The following THSD4 variants were observed in gnomAD, a reference collection of about 807,000 sequenced individuals.
The protein encoded by THSD4 is thrombospondin type-1 domain-containing protein 4.
A neutral mutation model predicts 119.0 loss-of-function variants in THSD4; 69 were observed. That is an observed-to-expected ratio of 0.58 (90% CI 0.48 to 0.71). The LOEUF (loss-of-function observed/expected upper bound fraction) is 0.71. Ranked by LOEUF, THSD4 falls within the 30% of genes least tolerant of loss-of-function variation. THSD4 has a pLI of 0.00. For missense variants in THSD4, 1,393 were observed against 1,391.1 expected (o/e 1.00, Z -0.02); for synonymous variants, 524 against 540.4 (o/e 0.97, Z 0.42).
chr15:71,121,185 G>A (rs193079586), intron 1 of THSD4, among the ~76,000 whole-genome samples: 1 of 152,258 alleles, frequency 6.6e-6, no homozygotes, highest in Admixed American at 6.5e-5. Flanking sequence ...AGGCAGCAGC[G>A]TGGTGGTGCT....
chr15:71,436,214 G>T (rs2047011416), intron 7 of THSD4, among the ~76,000 whole-genome samples: 3 of 152,086 alleles, frequency 2.0e-5, no homozygotes. Flanking sequence ...TGGGCTTATA[G>T]GGGTTTTAGG....
At position 71,129,069 on chromosome 15, in the gene THSD4, A is replaced by G. The variant is rs567927778; in HGVS notation, c.-79-12380A>G. ...GCAAGAGACTGGGCCCAAGGCATAC[A>G]GGAGAGGGTATCCCAGAGGCCCAGG... On this transcript the variant is annotated intron_variant, in intron 1 of 17. Coordinates refer to ENST00000261862, the MANE Select transcript of THSD4 (RefSeq NM_024817.3). 3.3e-5 allele frequency among the ~76,000 whole-genome samples: 5 copies of G among 152,322 alleles called. No individual in the cohort carries two copies. In the East Asian group the frequency reaches 9.7e-4, roughly 29 times the overall value.
intron 7 of THSD4, among the ~76,000 whole-genome samples, chr15:71,413,803 A>G (rs548854603): frequency 6.6e-6 from 1 of 152,358 alleles, no homozygotes; most frequent in East Asian, 1.9e-4. Flanking sequence ...GCTCCTTTGG[A>G]AAAACCACTG....
intron 10 of THSD4, 75 bp downstream of exon 10, chr15:71,731,292 A>T: frequency 7.1e-7 from 1 of 1,405,118 alleles, no homozygotes; most frequent in Non-Finnish European, 1.0e-6. Context: ...ATTCTTGTGC[A>T]TCCACCCTCT....
At chr15:71,724,287 A>ATATATATATATATATATATATATTTTT in intron 8 of THSD4, among the ~76,000 whole-genome samples, 27 of 37,234 alleles carry the variant, frequency 7.3e-4, no homozygotes, top group East Asian at 3.5e-3. Context: ...ATATATATAT[A>ATATATATATATATATATATATATTTTT]TTTTTTTTTT....
chr15:71,277,274 C>T (rs1482119115), intron 6 of THSD4, among the ~76,000 whole-genome samples: 3 of 151,850 alleles, frequency 2.0e-5, no homozygotes, highest in African/African-American at 7.3e-5. Context: ...TACAGGCGCC[C>T]GCCACCACGC....
chr15:71,547,677 A>G, intron 7 of THSD4: 1 of 654,162 alleles, frequency 1.5e-6, no homozygotes, highest in Non-Finnish European at 2.3e-6. Context: ...TATACTTTCT[A>G]AAATGTCATT....
intron 6 of THSD4, among the ~76,000 whole-genome samples, chr15:71,399,679 T>C (rs1049200673): frequency 6.6e-6 from 1 of 152,100 alleles, no homozygotes; most frequent in Non-Finnish European, 1.5e-5. Flanking sequence ...GAGCAGAGGT[T>C]CTCCAGGTGT....
intron 6 of THSD4, among the ~76,000 whole-genome samples, chr15:71,258,682 G>A (rs1296327885): frequency 1.3e-5 from 2 of 152,208 alleles, no homozygotes; most frequent in African/African-American, 2.4e-5. Flanking sequence ...TAATATGGGT[G>A]AGGAAGAGTG....
intron 6 of THSD4, among the ~76,000 whole-genome samples, chr15:71,394,326 G>A (rs1297731073): frequency 7.2e-6 from 1 of 139,686 alleles, no homozygotes; most frequent in Non-Finnish European, 1.5e-5. Flanking sequence ...AGGCTGGAGT[G>A]CAGTCGTGCA....
intron 8 of THSD4, among the ~76,000 whole-genome samples, chr15:71,706,283 C>T (rs2052390515): frequency 6.6e-6 from 1 of 152,008 alleles, no homozygotes; most frequent in South Asian, 2.1e-4. Flanking sequence ...AAAGAAGAGC[C>T]AGGGGAACCC....
At chr15:71,634,454 A>G (rs1221608177) in intron 7 of THSD4, among the ~76,000 whole-genome samples, 2 of 152,242 alleles carry the variant, frequency 1.3e-5, no homozygotes, top group Admixed American at 1.3e-4. Flanking sequence ...AGTCTTTGCC[A>G]TCTTTAGAAT....
chr15:71,765,064 T>A lies in THSD4; in HGVS notation c.2634T>A (p.Ile878=). 6.2e-7 allele frequency: 1 copy of A among 1,614,206 alleles called. No homozygotes were observed. Among genetic ancestry groups the A allele is most frequent in the South Asian group, 1.1e-5 (1 of 91,082 alleles). Residue 878 remains isoleucine, a synonymous_variant, in exon 16 of 18, where the codon ATT becomes ATA. Transcript: ENST00000261862. ...GCGGGACGCAACAGAGGGAGGTGAT[T>A]TGTGTTAGAAAGAATGCAGACACCT... The part of the protein sequence containing the change: ...CGSGTQQREV[I]CVRKNADTFE...
intron 7 of THSD4, among the ~76,000 whole-genome samples, chr15:71,568,489 A>G (rs1237661772): frequency 6.6e-6 from 1 of 152,114 alleles, no homozygotes; most frequent in African/African-American, 2.4e-5. Context: ...CAAAACAAGT[A>G]AAACAGAAAA....
intron 6 of THSD4, among the ~76,000 whole-genome samples, chr15:71,404,141 T>A (rs2046574688): frequency 1.3e-5 from 2 of 152,218 alleles, no homozygotes; most frequent in Non-Finnish European, 2.9e-5. Flanking sequence ...ACCAACTTAG[T>A]TGTTTTAGTA....
Position 71,131,707 on chromosome 15 carries a change from G to T in THSD4, c.-79-9742G>T, listed in dbSNP as rs527821250. 1.4e-3 allele frequency among the ~76,000 whole-genome samples: 213 copies of T among 152,292 alleles called. 1 individual carries two copies. The highest frequency in any genetic ancestry group is 3.4e-3 in the Middle Eastern group (1 of 294). On this transcript the variant is annotated intron_variant, in intron 1 of 17. Transcript: ENST00000261862. ...AGATTTCCTCCTGGGAACAGAGATA[G>T]ACTGTGTTTCCCACACTCCTTTGCA...
intron 7 of THSD4, among the ~76,000 whole-genome samples, chr15:71,529,035 T>C (rs1008043585): frequency 5.3e-5 from 8 of 152,348 alleles, no homozygotes; most frequent in Admixed American, 1.3e-4. Context: ...CTTCTTGAAG[T>C]TGGATGTAGC....
At chr15:71,724,268 T>G (rs1311339821) in intron 8 of THSD4, among the ~76,000 whole-genome samples, 826 of 68,446 alleles carry the variant, frequency 0.012, 41 homozygotes, top group Non-Finnish European at 0.02. Context: ...TATGATGGGA[T>G]ATATATATAT....
intron 7 of THSD4, among the ~76,000 whole-genome samples, chr15:71,558,191 G>A (rs1177155487): frequency 6.6e-6 from 1 of 152,100 alleles, no homozygotes; most frequent in Non-Finnish European, 1.5e-5. Flanking sequence ...AACCAGGCAT[G>A]GTGGCTGGCA....
Sources: allele counts gnomAD v4.1 joint callset (sites outside exome capture counted in the v4.1 genomes callset), GRCh38; gene constraint gnomAD v4.1.1; transcripts MANE v1.5; gene names NCBI Gene and HGNC (gene_info 2026-07-23, HGNC 2026-07-21).